Variants in PPP2R2C observed in about 807,000 individuals in gnomAD.
The protein encoded by PPP2R2C is protein phosphatase 2 regulatory subunit Bgamma, also known as protein phosphatase 2, regulatory subunit B, gamma.
Under a neutral mutation model 45.3 loss-of-function variants are expected in PPP2R2C, and 10 were observed. The observed-to-expected ratio is 0.22, with a 90% CI of 0.14 to 0.37. The LOEUF is 0.37. Among genes scored for constraint, PPP2R2C ranks in the 10% least tolerant of loss-of-function variants. The pLI, the probability that PPP2R2C is intolerant of heterozygous loss-of-function variation, is 1.00. For synonymous variants in PPP2R2C, 257 were observed against 245.4 expected, an observed-to-expected ratio of 1.05 and a Z score of -0.44; for missense variants, 308 against 619.7, an observed-to-expected ratio of 0.50 and a Z score of 5.34.
chr4:6,521,709 C>T (rs527649922), intron 2 of PPP2R2C, among the ~76,000 whole-genome samples: 6 of 152,232 alleles, frequency 3.9e-5, no homozygotes, highest in Non-Finnish European at 7.3e-5. Flanking sequence ...GACTGGCCAC[C>T]GGTCCCCTTT....
Position 6,447,038 on chromosome 4 carries a change from C to A in PPP2R2C, c.70+25122G>T, listed in dbSNP as rs749353178. Among the ~76,000 whole-genome samples the A allele has an allele frequency of 3.3e-5, 5 of 152,072 alleles. No individual in the cohort carries two copies. The South Asian group carries it at 1.0e-3, about 32-fold the overall frequency. On this transcript the variant is annotated intron_variant, in intron 1 of 8. Transcript: ENST00000382599. ...AAGCACAGAGGTCCTGCCAGGAGGT[C>A]CTGCCAGGAAGCTGTGGCTGGCAGC...
chr4:6,470,458 C>T (rs997810530), intron 1 of PPP2R2C, among the ~76,000 whole-genome samples: 4 of 152,318 alleles, frequency 2.6e-5, no homozygotes, highest in African/African-American at 7.2e-5. Context: ...GCGCTTTTTA[C>T]GCCTGGTCCC....
intron 5 of PPP2R2C, among the ~76,000 whole-genome samples, chr4:6,369,458 G>C (rs191724982): frequency 7.2e-5 from 11 of 152,290 alleles, no homozygotes; most frequent in Middle Eastern, 3.4e-3. Context: ...AATTACTTCG[G>C]CAAAAATAAA....
chr4:6,502,005 C>T (rs1243159592), intron 2 of PPP2R2C, among the ~76,000 whole-genome samples: 1 of 152,154 alleles, frequency 6.6e-6, no homozygotes, highest in African/African-American at 2.4e-5. Context: ...AAAAGATGCC[C>T]AGGGGCATGT....
At chr4:6,426,759 C>T (rs1228158664) in intron 1 of PPP2R2C, among the ~76,000 whole-genome samples, 2 of 152,144 alleles carry the variant, frequency 1.3e-5, no homozygotes, top group Non-Finnish European at 2.9e-5. Context: ...AGTTCAGCTG[C>T]CTCCATCCAC....
chr4:6,455,483 A>T (rs1427824209), intron 1 of PPP2R2C, among the ~76,000 whole-genome samples: 1 of 152,058 alleles, frequency 6.6e-6, no homozygotes, highest in African/African-American at 2.4e-5. Context: ...ACACCATTCA[A>T]GGAGACCCAG....
rs534444384 is a variant in PPP2R2C, at chr4:6,400,700, G to A, written c.71-19606C>T. Among the ~76,000 whole-genome samples the A allele has an allele frequency of 2.3e-3, 348 of 152,322 alleles. 1 individual carries two copies. Among genetic ancestry groups the A allele is most frequent in the African/African-American group, 8.1e-3 (337 of 41,566 alleles). On this transcript the variant is annotated intron_variant, in intron 1 of 8. Transcript: ENST00000382599. ...ACATTCCTTAGTGTTTGGAGCTCCT[G>A]GCCCATCCAAGCCTCTCCCATGTTC...
intron 1 of PPP2R2C, among the ~76,000 whole-genome samples, chr4:6,451,122 C>A (rs895984424): frequency 1.4e-4 from 21 of 152,336 alleles, no homozygotes; most frequent in African/African-American, 4.8e-4. Context: ...CTCTTCCACC[C>A]GACACGGTAC....
chr4:6,481,944 A>G (rs1722367038), intron 2 of PPP2R2C, among the ~76,000 whole-genome samples: 1 of 130,618 alleles, frequency 7.7e-6, no homozygotes, highest in Admixed American at 9.9e-5. Flanking sequence ...GCACCACTGC[A>G]CTCCAGCCTG....
chr4:6,498,929 C>T (rs1389907310), intron 2 of PPP2R2C, among the ~76,000 whole-genome samples: 1 of 152,042 alleles, frequency 6.6e-6, no homozygotes, highest in East Asian at 1.9e-4. Context: ...TATTCTTCTC[C>T]CTCTCCCCTC....
intron 2 of PPP2R2C, among the ~76,000 whole-genome samples, chr4:6,526,555 A>G (rs865817752): frequency 2.6e-5 from 4 of 152,240 alleles, no homozygotes; most frequent in Non-Finnish European, 5.9e-5. Flanking sequence ...AAAGAAAAGA[A>G]GAGGGGGTGG....
At chr4:6,415,733 G>T (rs978048490) in intron 1 of PPP2R2C, among the ~76,000 whole-genome samples, 3 of 152,200 alleles carry the variant, frequency 2.0e-5, no homozygotes, top group African/African-American at 7.2e-5. Flanking sequence ...GGTCACCCAG[G>T]AGGGGAACTG....
At chr4:6,333,090 A>G (rs1263076865) in intron 7 of PPP2R2C, among the ~76,000 whole-genome samples, 2 of 152,228 alleles carry the variant, frequency 1.3e-5, no homozygotes, top group African/African-American at 4.8e-5. Context: ...CTCCAGGCTT[A>G]TAGGCCTGTG....
rs575337621 is a variant in PPP2R2C at position 6,519,543 on chromosome 4, G to A, written c.49+15728C>T. 2.0e-5 allele frequency among the ~76,000 whole-genome samples: 3 copies of A among 152,360 alleles called. No homozygotes were observed. In the East Asian group the frequency reaches 5.8e-4, roughly 29 times the overall value. Reference sequence around the variant, plus strand: ...GGGCCATGCTGCCTCCTGCCACAGGGCCTTTGCATCTGCTGTTCCCTTGCC... The same window carrying A: ...GGGCCATGCTGCCTCCTGCCACAGGACCTTTGCATCTGCTGTTCCCTTGCC... On this transcript the variant is annotated intron_variant, in intron 2 of 9. Coordinates refer to the PPP2R2C transcript ENST00000506140.
rs1392572987 is a variant in PPP2R2C at position 6,331,562 on chromosome 4, G to A, written c.960+2000C>T. On this transcript the variant is annotated intron_variant, in intron 7 of 8. Coordinates refer to ENST00000382599, the MANE Select transcript of PPP2R2C (RefSeq NM_020416.4). The surrounding 1 kb of genome is among the most constrained non-coding windows in gnomAD (Gnocchi z 5.9). ...CAATGAGGTGTAAGAAGTCTTCTGAGAAGCATTCTGGGGAAGATTTTACAA... is the reference window on the plus strand; with the variant it reads ...CAATGAGGTGTAAGAAGTCTTCTGAAAAGCATTCTGGGGAAGATTTTACAA... Among the ~76,000 whole-genome samples the A allele has an allele frequency of 6.6e-6, 1 of 152,210 alleles. No homozygotes were observed. Among genetic ancestry groups the A allele is most frequent in the East Asian group, 1.9e-4 (1 of 5,194 alleles).
intron 5 of PPP2R2C, among the ~76,000 whole-genome samples, chr4:6,360,012 A>T (rs1414873968): frequency 6.6e-6 from 1 of 152,230 alleles, no homozygotes; most frequent in African/African-American, 2.4e-5. Flanking sequence ...CCCAGTGGAG[A>T]TCCCACGACA....
At chr4:6,434,291 A>G (rs1187843604) in intron 1 of PPP2R2C, among the ~76,000 whole-genome samples, 2 of 150,994 alleles carry the variant, frequency 1.3e-5, no homozygotes, top group African/African-American at 2.4e-5. Context: ...ATTCTTTCCC[A>G]TTACCAACAA....
At chr4:6,488,331 T>C (rs1722594246) in intron 2 of PPP2R2C, among the ~76,000 whole-genome samples, 1 of 152,188 alleles carries the variant, frequency 6.6e-6, no homozygotes, top group Non-Finnish European at 1.5e-5. Flanking sequence ...CTGGATTTGT[T>C]TGTATTCCTA....
At chr4:6,527,302 C>G (rs73796239) in intron 2 of PPP2R2C, among the ~76,000 whole-genome samples, 2 of 152,208 alleles carry the variant, frequency 1.3e-5, no homozygotes, top group African/African-American at 4.8e-5. Context: ...ACCGGACAAG[C>G]TGCCTCCAGT....
Sources: allele counts gnomAD v4.1 joint callset (sites outside exome capture counted in the v4.1 genomes callset), GRCh38; gene constraint gnomAD v4.1.1; non-coding constraint Gnocchi (gnomAD v3.1); transcripts MANE v1.5; gene names NCBI Gene and HGNC (gene_info 2026-07-23, HGNC 2026-07-21).